The following HABP2 variants were observed in gnomAD, a reference collection of about 807,000 sequenced individuals.
HABP2 encodes the protein factor VII-activating protease.
Under a neutral mutation model 66.5 loss-of-function variants are expected in HABP2, and 65 were observed. The ratio of observed to expected loss-of-function variants is 0.98; its 90% CI spans 0.80 to 1.20. The LOEUF is 1.20. Among genes scored for constraint, HABP2 ranks in the 50% most tolerant of loss-of-function variants. The pLI, the probability that HABP2 is intolerant of heterozygous loss-of-function variation, is 0.00. For missense variants in HABP2, 786 were observed against 691.0 expected (o/e 1.14, Z -1.54); for synonymous variants, 263 against 253.9 (o/e 1.04, Z -0.34).
intron 1 of HABP2, among the ~76,000 whole-genome samples, chr10:113,556,981 G>T: frequency 6.6e-6 from 1 of 151,982 alleles, no homozygotes; most frequent in East Asian, 1.9e-4. Context: ...TGACCAATGT[G>T]CATTGTCTGC....
chr10:113,572,724 C>G (rs1264615475), intron 2 of HABP2: 1 of 453,574 alleles, frequency 2.2e-6, no homozygotes, highest in Non-Finnish European at 4.4e-6. Context: ...ATCCTCAGCC[C>G]TAAAAAGGTG....
rs1845446289 is a variant in HABP2 at position 113,578,082 on chromosome 10, A to G, written c.505A>G (p.Lys169Glu). Residue 169 changes from lysine to glutamate, a missense_variant, in exon 6 of 13, where the codon AAG becomes GAG. Lys to Glu is a moderately conservative substitution (Grantham distance 56, BLOSUM62 1). Transcript: ENST00000351270. ...GAATGGGGCTACCTGCTCCCGGCAT[A>G]AGCGGAGATCCAAGTTCACCTGTGC... The part of the protein sequence containing the change: ...CQNGATCSRH[K>E]RRSKFTCACP... The G allele has an allele frequency of 6.2e-7, 1 of 1,614,068 alleles. No homozygotes were observed. The highest frequency in any genetic ancestry group is 8.5e-7 in the Non-Finnish European group (1 of 1,180,004).
At chr10:113,561,493 C>G (rs1845099332) in intron 1 of HABP2, among the ~76,000 whole-genome samples, 1 of 152,156 alleles carries the variant, frequency 6.6e-6, no homozygotes, top group Admixed American at 6.5e-5. Context: ...AGAGGTCTCT[C>G]CTCCCCAGCT....
chr10:113,568,108 CT>C (rs2133757718), intron 2 of HABP2, among the ~76,000 whole-genome samples: 1 of 152,360 alleles, frequency 6.6e-6, no homozygotes, highest in Admixed American at 6.5e-5. Flanking sequence ...TATTGTCTCC[CT>C]TTCCTGTGTC....
chr10:113,585,493 C>G (rs866552140), intron 11 of HABP2, among the ~76,000 whole-genome samples: 1 of 152,122 alleles, frequency 6.6e-6, no homozygotes, highest in Non-Finnish European at 1.5e-5. Flanking sequence ...TTTTGTTAGG[C>G]CTTGGGAATT....
At chr10:113,579,760 GT>G (rs528778628) in intron 7 of HABP2, among the ~76,000 whole-genome samples, 5,421 of 143,992 alleles carry the variant, frequency 0.038, 176 homozygotes, top group African/African-American at 0.086. Context: ...ATTTTTTCTT[GT>G]TTTTTTTTTT....
chr10:113,563,938 T>C (rs906283583), intron 1 of HABP2, among the ~76,000 whole-genome samples: 1 of 152,116 alleles, frequency 6.6e-6, no homozygotes, highest in Non-Finnish European at 1.5e-5. Context: ...CCCAGATGAC[T>C]GGGGGTGATG....
chr10:113,572,027 C>A (rs1263353349), intron 2 of HABP2, among the ~76,000 whole-genome samples: 1 of 152,228 alleles, frequency 6.6e-6, no homozygotes, highest in Non-Finnish European at 1.5e-5. Flanking sequence ...CACATGGCAG[C>A]CCATCCCAAA....
In HABP2 at chr10:113,584,225, G is replaced by T. The variant is rs939565977; in HGVS notation, c.1315G>T (p.Gly439Trp). 1 of 1,613,794 alleles carries T rather than the reference G, an allele frequency of 6.2e-7. No homozygotes were observed. The highest frequency in any genetic ancestry group is 1.3e-5 in the African/African-American group (1 of 75,026). ...KYVKTVCLPD[G>W]SFPSGSECHI... ...CGTGAAGACTGTGTGCTTGCCTGAT[G>T]GGTCCTTTCCCTCTGGGAGTGAGTG... Residue 439 changes from glycine (G) to tryptophan (W), a missense_variant, in exon 11 of 13, where the codon GGG (glycine) becomes TGG (tryptophan). Physicochemically the swap from Gly to Trp is radical, Grantham distance 184. Coordinates refer to ENST00000351270, the MANE Select transcript of HABP2 (RefSeq NM_004132.5).
upstream of HABP2, among the ~76,000 whole-genome samples, chr10:113,551,793 G>A (rs1592677574): frequency 6.6e-6 from 1 of 151,890 alleles, no homozygotes; most frequent in East Asian, 1.9e-4. Flanking sequence ...ATGACAGAGT[G>A]AGACTCTGTC....
At chr10:113,577,502 G>A (rs966202911) in intron 5 of HABP2, among the ~76,000 whole-genome samples, 4 of 152,142 alleles carry the variant, frequency 2.6e-5, no homozygotes, top group African/African-American at 9.7e-5. Context: ...CTTCTTCCAG[G>A]AAGTAGACCC....
At chr10:113,576,159 C>T (rs1286475731) in intron 4 of HABP2, among the ~76,000 whole-genome samples, 155 bp downstream of exon 4, 1 of 152,242 alleles carries the variant, frequency 6.6e-6, no homozygotes, top group East Asian at 1.9e-4. Flanking sequence ...CAGGCAGCCT[C>T]TCACTGGATC....
intron 2 of HABP2, 59 bp from the exon 3 acceptor site, chr10:113,574,230 T>G: frequency 2.4e-6 from 2 of 845,094 alleles, no homozygotes; most frequent in Non-Finnish European, 4.0e-6. Context: ...CTAAATAAAA[T>G]GCTGGCCTAT....
chr10:113,572,641 C>T, intron 2 of HABP2: 1 of 431,718 alleles, frequency 2.3e-6, no homozygotes, highest in Non-Finnish European at 4.6e-6. Context: ...CCCTCTCTTT[C>T]TCTGCTTTAT....
intron 5 of HABP2, 60 bp downstream of exon 5, chr10:113,577,326 C>T: frequency 3.4e-6 from 3 of 890,388 alleles, no homozygotes; most frequent in Non-Finnish European, 5.7e-6. Flanking sequence ...TACCTGCACC[C>T]TTCTGCATGG....
Position 113,578,032 on chromosome 10 carries a change from C to T in HABP2, c.455C>T (p.Pro152Leu), listed in dbSNP as rs1185389653. The change falls in exon 6 of 13, where the codon CCT becomes CTT. Residue 152 changes from proline (P) to leucine (L), a missense_variant. Transcript: ENST00000351270. ...YTGPSCSQVV[P>L]VCRPNPCQNG... ...CCCATTCCTGTGTTCACAGTGGTTC[C>T]TGTATGCAGGCCAAACCCCTGCCAG... The T allele has an allele frequency of 4.3e-6, 7 of 1,614,122 alleles. No individual in the cohort carries two copies. The highest frequency in any genetic ancestry group is 5.9e-6 in the Non-Finnish European group (7 of 1,180,012).
chr10:113,570,703 C>T (rs1845291171), intron 2 of HABP2, among the ~76,000 whole-genome samples: 1 of 152,206 alleles, frequency 6.6e-6, no homozygotes. Context: ...ACTGAAATTC[C>T]CTATTTGCTC....
Position 113,588,362 on chromosome 10 carries a change from G to T in HABP2, c.1676G>T (p.Gly559Val). ...AAAGCCACCATCAAAAGTGAAAGTG[G>T]CTTCTAAGGTACTGTCTTCTGGACC... ...WIKATIKSES[G>V]F The change falls in exon 13 of 13, where the codon GGC becomes GTC. Residue 559 changes from glycine (G) to valine (V), a missense_variant. Coordinates refer to ENST00000351270, the MANE Select transcript of HABP2 (RefSeq NM_004132.5). 1 of 1,611,988 alleles carries T rather than the reference G, an allele frequency of 6.2e-7. No homozygotes were observed. Among genetic ancestry groups the T allele is most frequent in the Non-Finnish European group, 8.5e-7 (1 of 1,178,880 alleles).
In HABP2 at chr10:113,588,973, GC is replaced by G. The variant is rs1312440527; in HGVS notation, c.*605del. On this transcript the variant is annotated 3_prime_UTR_variant, in exon 13 of 13. Coordinates refer to ENST00000351270, the MANE Select transcript of HABP2 (RefSeq NM_004132.5). Reference sequence around the variant, plus strand: ...CCTCTCAGGAATCAGGGTGGACATGGCTCACAACAGCAGGGCCTTCTTCTTT... The same window carrying G: ...CCTCTCAGGAATCAGGGTGGACATGGTCACAACAGCAGGGCCTTCTTCTTT... 3.7e-6 allele frequency: 6 copies of G among 1,610,228 alleles called. No individual in the cohort carries two copies. Among genetic ancestry groups the G allele is most frequent in the African/African-American group, 1.3e-5 (1 of 74,850 alleles).
Sources: allele counts gnomAD v4.1 joint callset (sites outside exome capture counted in the v4.1 genomes callset), GRCh38; gene constraint gnomAD v4.1.1; transcripts MANE v1.5; gene names NCBI Gene and HGNC (gene_info 2026-07-23, HGNC 2026-07-21).